Variants in NCOA2 observed in about 807,000 individuals in gnomAD.
The protein encoded by NCOA2 is class E basic helix-loop-helix protein 75.
Under a neutral mutation model 145.1 loss-of-function variants are expected in NCOA2, and 21 were observed. The observed-to-expected ratio is 0.14, with a 90% confidence interval of 0.10 to 0.21. The LOEUF is 0.21. Ranked by LOEUF, NCOA2 falls within the 10% of genes least tolerant of loss-of-function variation. NCOA2 has a pLI of 1.00. For synonymous variants in NCOA2, 619 were observed against 637.5 expected, an observed-to-expected ratio of 0.97 and a Z score of 0.44; for missense variants, 1,472 against 1,837.6, an observed-to-expected ratio of 0.80 and a Z score of 3.64.
chr8:70,382,848 A>C (rs1812333074), intron 1 of NCOA2, among the ~76,000 whole-genome samples: 1 of 152,208 alleles, frequency 6.6e-6, no homozygotes, highest in African/African-American at 2.4e-5. Flanking sequence ...CGTGTTAATA[A>C]TAATACTTCG....
In NCOA2 at chr8:70,162,686, AG is replaced by A; in HGVS notation, c.976+24del. On this transcript the variant is annotated intron_variant, in intron 9 of 22. Coordinates refer to ENST00000452400, the MANE Select transcript of NCOA2 (RefSeq NM_006540.4). ...AGCTCCCACAGGAAGCAATAATTTA[AG>A]AAAAATCATTTAGAGATGCTTACCT... 2.5e-6 allele frequency: 4 copies of A among 1,591,816 alleles called. No homozygotes were observed. In the South Asian group the frequency reaches 4.5e-5, roughly 18 times the overall value.
At chr8:70,141,811 C>T (rs188654606) in intron 13 of NCOA2, among the ~76,000 whole-genome samples, 14 of 152,276 alleles carry the variant, frequency 9.2e-5, no homozygotes, top group South Asian at 2.1e-4. Context: ...TCATTATAAA[C>T]GATAATCATA....
intron 15 of NCOA2, among the ~76,000 whole-genome samples, chr8:70,137,424 T>C (rs1809859195): frequency 6.6e-6 from 1 of 152,266 alleles, no homozygotes; most frequent in South Asian, 2.1e-4. Flanking sequence ...TCCTAAAAAC[T>C]AATCTTTGAC....
intron 2 of NCOA2, among the ~76,000 whole-genome samples, chr8:70,275,549 C>A (rs4738084): frequency 0.12 from 17,606 of 151,726 alleles, 1,627 homozygotes; most frequent in African/African-American, 0.26. Flanking sequence ...AATCTGATAC[C>A]TTAAAACAGG....
chr8:70,361,094 C>T (rs1428219826), intron 1 of NCOA2, among the ~76,000 whole-genome samples: 1 of 152,132 alleles, frequency 6.6e-6, no homozygotes, highest in Admixed American at 6.5e-5. Context: ...TCCACCATTG[C>T]TAATAACTTT....
chr8:70,311,888 T>C (rs1805153175), intron 1 of NCOA2, among the ~76,000 whole-genome samples: 1 of 152,232 alleles, frequency 6.6e-6, no homozygotes, highest in Non-Finnish European at 1.5e-5. Flanking sequence ...ATCCACATCT[T>C]CTATTTGCTT....
At chr8:70,373,729 G>C (rs752735761) in intron 1 of NCOA2, among the ~76,000 whole-genome samples, 8 of 152,074 alleles carry the variant, frequency 5.3e-5, no homozygotes, top group Non-Finnish European at 1.2e-4. Context: ...TTTTATGAGG[G>C]AAAGGTCAAG....
At chr8:70,234,153 T>C (rs11986140) in intron 2 of NCOA2, among the ~76,000 whole-genome samples, 8,401 of 152,312 alleles carry the variant, frequency 0.055, 308 homozygotes, top group East Asian at 0.16. Flanking sequence ...ATTAGCATAA[T>C]GTTTTCAAGG....
rs796459221 is a variant in NCOA2, at chr8:70,248,536, T to TACTGCA, written c.-19-31778_-19-31773dup. Among the ~76,000 whole-genome samples, 78 of 152,310 alleles carry TACTGCA rather than the reference T, an allele frequency of 5.1e-4. 4 individuals carry two copies. In the East Asian group the frequency reaches 0.013, roughly 26 times the overall value. On this transcript the variant is annotated intron_variant, in intron 2 of 22. Transcript: ENST00000452400. ...CCAAGCTTTCGAGACGCATCCATAT[T>TACTGCA]ACTGCATGGTCTTGGGGGATTGCTT...
At chr8:70,400,314 A>T (rs1041490733) in intron 1 of NCOA2, among the ~76,000 whole-genome samples, 5 of 152,308 alleles carry the variant, frequency 3.3e-5, no homozygotes, top group Admixed American at 2.6e-4. Context: ...GCTCAGATCC[A>T]GTCTGAGAGC....
chr8:70,299,645 T>C (rs1827343055), intron 1 of NCOA2, among the ~76,000 whole-genome samples: 1 of 152,188 alleles, frequency 6.6e-6, no homozygotes, highest in African/African-American at 2.4e-5. Flanking sequence ...ACACAACCAG[T>C]AAAATTATCT....
chr8:70,187,085 T>C (rs932500887), intron 4 of NCOA2, among the ~76,000 whole-genome samples: 1 of 152,178 alleles, frequency 6.6e-6, no homozygotes, highest in African/African-American at 2.4e-5. Context: ...TTAAAAAGAA[T>C]ACAAGGACTG....
intron 2 of NCOA2, among the ~76,000 whole-genome samples, chr8:70,237,255 G>T (rs1474007698): frequency 6.6e-6 from 1 of 152,050 alleles, no homozygotes; most frequent in Admixed American, 6.6e-5. Context: ...CATGACTAAG[G>T]TCAAACACAG....
chr8:70,189,251 G>T (rs563295313), intron 4 of NCOA2, among the ~76,000 whole-genome samples: 2 of 152,260 alleles, frequency 1.3e-5, no homozygotes, highest in Non-Finnish European at 2.9e-5. Context: ...GGATAGTGAC[G>T]GGCCTTCTTG....
intron 22 of NCOA2, among the ~76,000 whole-genome samples, chr8:70,118,383 A>G (rs1404097213): frequency 6.6e-6 from 1 of 152,042 alleles, no homozygotes; most frequent in Non-Finnish European, 1.5e-5. Context: ...GTGGCCACTC[A>G]TTTCCTGTAC....
chr8:70,231,942 G>A (rs965073435), intron 2 of NCOA2, among the ~76,000 whole-genome samples: 1 of 152,068 alleles, frequency 6.6e-6, no homozygotes, highest in Non-Finnish European at 1.5e-5. Context: ...CTCAAATCTG[G>A]TCATCATTCT....
chr8:70,253,220 G>C (rs897588708), intron 2 of NCOA2, among the ~76,000 whole-genome samples: 1 of 152,158 alleles, frequency 6.6e-6, no homozygotes, highest in African/African-American at 2.4e-5. Context: ...ATAAGCCATA[G>C]TAATAGTTTA....
At chr8:70,403,070 C>T (rs1310928414) in intron 1 of NCOA2, among the ~76,000 whole-genome samples, 2 of 149,728 alleles carry the variant, frequency 1.3e-5, no homozygotes, top group Non-Finnish European at 3.0e-5. Flanking sequence ...CGCCGGCCGC[C>T]CCGACACCCC....
chr8:70,375,520 C>CA (rs1811589413), intron 1 of NCOA2, among the ~76,000 whole-genome samples: 1 of 151,920 alleles, frequency 6.6e-6, no homozygotes, highest in Non-Finnish European at 1.5e-5. Flanking sequence ...AAATTGAGGG[C>CA]AAAAATAATG....
Sources: allele counts gnomAD v4.1 joint callset (sites outside exome capture counted in the v4.1 genomes callset), GRCh38; gene constraint gnomAD v4.1.1; transcripts MANE v1.5; gene names NCBI Gene and HGNC (gene_info 2026-07-23, HGNC 2026-07-21).